AGPAT5: variants seen among roughly 807,000 people sequenced by gnomAD.
The protein encoded by AGPAT5 is 1-acylglycerol-3-phosphate O-acyltransferase 5, also known as 1-acyl-sn-glycerol-3-phosphate acyltransferase epsilon.
Under a neutral mutation model 45.6 loss-of-function variants are expected in AGPAT5, and 46 were observed. The observed-to-expected ratio is 1.01, with a 90% CI of 0.80 to 1.29. AGPAT5 has a LOEUF of 1.29. AGPAT5 is among the 50% of genes most tolerant of loss of function. The pLI, the probability that AGPAT5 is intolerant of heterozygous loss-of-function variation, is 0.00. For synonymous variants in AGPAT5, 272 were observed against 167.0 expected (o/e 1.63, Z -4.85); for missense variants, 673 against 450.7 (o/e 1.49, Z -4.47).
intron 1 of AGPAT5, among the ~76,000 whole-genome samples, chr8:6,711,087 A>T (rs1407627173): frequency 6.6e-6 from 1 of 152,164 alleles, no homozygotes; most frequent in African/African-American, 2.4e-5. Context: ...GCATTTTAAA[A>T]TAAAATTTTT....
At chr8:6,717,384 A>G (rs1018480803) in intron 1 of AGPAT5, among the ~76,000 whole-genome samples, 3 of 152,182 alleles carry the variant, frequency 2.0e-5, no homozygotes, top group Non-Finnish European at 2.9e-5. Flanking sequence ...AAGGAGGGTG[A>G]TGGTACCTGG....
rs535022183 is a variant in AGPAT5 at position 6,755,229 on chromosome 8, A to G, written c.869+55A>G. ...AACTTCGGTTCAACTAGATTTCAGT[A>G]TAGTCAACAATTTGAAACCAATGTA... On this transcript the variant is annotated intron_variant, in intron 7 of 7. Transcript: ENST00000285518. 1.4e-5 allele frequency: 22 copies of G among 1,540,418 alleles called. No individual in the cohort carries two copies. In the Admixed American group the frequency reaches 4.6e-4, roughly 32 times the overall value.
At chr8:6,753,709 T>G (rs1174251357) in intron 6 of AGPAT5, among the ~76,000 whole-genome samples, 1 of 152,226 alleles carries the variant, frequency 6.6e-6, no homozygotes. Flanking sequence ...AAATACTTTT[T>G]AAGCAGTTCT....
intron 5 of AGPAT5, among the ~76,000 whole-genome samples, chr8:6,742,265 T>C (rs530950143): frequency 5.9e-5 from 9 of 152,204 alleles, no homozygotes; most frequent in Admixed American, 3.3e-4. Flanking sequence ...CAAGTTTCTA[T>C]TGGAGAAGTT....
rs550862907 is a variant in AGPAT5 at position 6,735,452 on chromosome 8, G to C, written c.495+2802G>C. On this transcript the variant is annotated intron_variant, in intron 4 of 7. Coordinates refer to ENST00000285518, the MANE Select transcript of AGPAT5 (RefSeq NM_018361.5). The stretch of plus-strand genomic sequence containing the variant: ...CATTCTCCTTGTGTCTGTAGCCCAG[G>C]GGTTCGTCTGTTCCACTGGCTCATA... 3.9e-5 allele frequency among the ~76,000 whole-genome samples: 6 copies of C among 152,282 alleles called. No individual in the cohort carries two copies. In the East Asian group the frequency reaches 9.6e-4, roughly 24 times the overall value.
rs375451021 is a variant in AGPAT5, at chr8:6,736,850, C to G, written c.495+4200C>G. On this transcript the variant is annotated intron_variant, in intron 4 of 7. Transcript: ENST00000285518. The stretch of plus-strand genomic sequence containing the variant: ...TGGTGTTTCGTTCACTTGTCTGATT[C>G]TCTCTTCACAGTTCTATTAGAAGGT... 1.9e-3 allele frequency among the ~76,000 whole-genome samples: 297 copies of G among 152,366 alleles called. 11 individuals are homozygous for G. In the South Asian group the frequency reaches 0.058, roughly 30 times the overall value.
At chr8:6,719,376 T>C (rs1440721904) in intron 1 of AGPAT5, among the ~76,000 whole-genome samples, 1 of 152,194 alleles carries the variant, frequency 6.6e-6, no homozygotes, top group African/African-American at 2.4e-5. Flanking sequence ...TGGAAATTAA[T>C]AGTTTGGGAA....
At chr8:6,755,413 G>A (rs577391813) in intron 7 of AGPAT5, among the ~76,000 whole-genome samples, 6 of 152,160 alleles carry the variant, frequency 3.9e-5, no homozygotes, top group African/African-American at 7.2e-5. Context: ...ACAATACTAC[G>A]TGATAACATA....
intron 1 of AGPAT5, among the ~76,000 whole-genome samples, chr8:6,713,862 C>T (rs1018654675): frequency 1.3e-5 from 2 of 152,192 alleles, no homozygotes; most frequent in Non-Finnish European, 2.9e-5. Flanking sequence ...AAACATTGTT[C>T]CAAGTTTCTC....
chr8:6,757,139 A>G, intron 7 of AGPAT5, 24 bp from the exon 8 acceptor site: 2 of 1,585,858 alleles, frequency 1.3e-6, no homozygotes, highest in South Asian at 1.1e-5. Flanking sequence ...ACTAAAATCT[A>G]AACTTTTTCC....
At chr8:6,721,868 A>C (rs1336463515) in intron 1 of AGPAT5, among the ~76,000 whole-genome samples, 1 of 151,946 alleles carries the variant, frequency 6.6e-6, no homozygotes, top group African/African-American at 2.4e-5. Context: ...TTTTATCTTT[A>C]TTTTAAAGAG....
chr8:6,729,572 C>G (rs1008611917), intron 2 of AGPAT5, among the ~76,000 whole-genome samples: 7 of 152,134 alleles, frequency 4.6e-5, no homozygotes, highest in Admixed American at 1.3e-4. Context: ...ACTTTCAAAT[C>G]CAAGTTTCTG....
intron 4 of AGPAT5, 104 bp downstream of exon 4, chr8:6,732,754 G>A: frequency 1.9e-6 from 2 of 1,029,786 alleles, no homozygotes; most frequent in South Asian, 1.8e-5. Flanking sequence ...TTTCCCATGT[G>A]TAATTACTAA....
At chr8:6,723,528 A>C (rs62497282) in intron 1 of AGPAT5, among the ~76,000 whole-genome samples, 4,609 of 152,222 alleles carry the variant, frequency 0.03, 107 homozygotes, top group Middle Eastern at 0.048. Flanking sequence ...GGCTGTGCAA[A>C]ACTTTTAAAT....
intron 4 of AGPAT5, among the ~76,000 whole-genome samples, chr8:6,741,300 A>G (rs1160540979): frequency 2.0e-5 from 3 of 152,112 alleles, no homozygotes; most frequent in African/African-American, 4.8e-5. Flanking sequence ...ATTTCTAAAA[A>G]TGACGTATTA....
At chr8:6,723,718 A>C (rs757285416) in intron 1 of AGPAT5, among the ~76,000 whole-genome samples, 1 of 152,220 alleles carries the variant, frequency 6.6e-6, no homozygotes, top group Non-Finnish European at 1.5e-5. Flanking sequence ...AACATACTAC[A>C]TACATAGCAC....
Position 6,760,482 on chromosome 8 carries a change from G to A in AGPAT5, c.*3094G>A, listed in dbSNP as rs1200376031. 3.3e-5 allele frequency among the ~76,000 whole-genome samples: 5 copies of A among 151,926 alleles called. No homozygotes were observed. Among genetic ancestry groups the A allele is most frequent in the African/African-American group, 1.2e-4 (5 of 41,400 alleles). ...CTCCCAGATATGTACCACAAAAAAT[G>A]TGAAAAGAGAGAGAAATGTCTACCA... On this transcript the variant is annotated 3_prime_UTR_variant, in exon 8 of 8. Transcript: ENST00000285518.
At position 6,724,892 on chromosome 8, in the gene AGPAT5, C is replaced by A; in HGVS notation, c.242C>A (p.Pro81Gln). The A allele has an allele frequency of 8.8e-7, 1 of 1,140,072 alleles. No individual in the cohort carries two copies. The highest frequency in any genetic ancestry group is 3.1e-5 in the East Asian group (1 of 32,366). 70.6% of individuals were successfully genotyped at this position (1,140,072 alleles called of 1,614,324 possible). ...TAGATATTGCTATATGGAGATTTGC[C>A]AAAAAATAAAGAAAATATAATATAT... ...GVQILLYGDL[P>Q]KNKENIIYLA... is the part of the protein sequence containing the mutation. Residue 81 changes from proline (P) to glutamine (Q), a missense_variant, in exon 2 of 8, where the codon CCA (proline) becomes CAA (glutamine). Coordinates refer to ENST00000285518, the MANE Select transcript of AGPAT5 (RefSeq NM_018361.5).
intron 1 of AGPAT5, among the ~76,000 whole-genome samples, chr8:6,722,162 T>A (rs1800524220): frequency 6.6e-6 from 1 of 152,150 alleles, no homozygotes; most frequent in African/African-American, 2.4e-5. Context: ...CAGTTTCTGG[T>A]CTCCTAATAA....
Sources: allele counts gnomAD v4.1 joint callset (sites outside exome capture counted in the v4.1 genomes callset), GRCh38; gene constraint gnomAD v4.1.1; transcripts MANE v1.5; gene names NCBI Gene and HGNC (gene_info 2026-07-23, HGNC 2026-07-21).